ZNF34: variants seen among roughly 807,000 people sequenced by gnomAD.
The protein encoded by ZNF34 is zinc finger protein 34 (KOX 32).
In ZNF34, 8 loss-of-function variants were observed where a neutral mutation model predicts 14.4. The observed-to-expected ratio is 0.55, with a 90% confidence interval of 0.33 to 1.00. The LOEUF (loss-of-function observed/expected upper bound fraction) is 1.00, where lower values mean the gene tolerates loss of function less well. Ranked by LOEUF, ZNF34 falls within the 50% of genes least tolerant of loss-of-function variation. The probability of loss-of-function intolerance (pLI) is 0.03; values close to 1 mark genes in which losing one functional copy is unlikely to be tolerated. For synonymous variants in ZNF34, 235 were observed against 247.9 expected (o/e 0.95, Z 0.49); for missense variants, 538 against 674.2 (o/e 0.80, Z 2.24).
intron 1 of ZNF34, among the ~76,000 whole-genome samples, chr8:144,781,679 G>C (rs1445725337): frequency 6.6e-6 from 1 of 152,032 alleles, no homozygotes; most frequent in African/African-American, 2.4e-5. Context: ...AAGCAACAGA[G>C]AAAGTTTCAA....
Position 144,774,477 on chromosome 8 carries a change from G to A in ZNF34, c.409C>T (p.Leu137=). The A allele has an allele frequency of 6.2e-7, 1 of 1,613,924 alleles. No individual in the cohort carries two copies. The change falls in exon 6 of 6, where the codon CTA becomes TTA. Residue 137 remains leucine, a synonymous_variant. Coordinates refer to ENST00000429371, the MANE Select transcript of ZNF34 (RefSeq NM_001286769.2). ...GCCCTGGGGCCTCTCTGCTCCACTA[G>A]CTTTTCCAGGCTCCCCTCTGACTTA... ...ISKSEGSLEK[L]VEQRGPRAVT...
intron 1 of ZNF34, among the ~76,000 whole-genome samples, chr8:144,787,078 G>A (rs1826292487): frequency 1.3e-5 from 2 of 152,194 alleles, no homozygotes; most frequent in South Asian, 4.1e-4. Flanking sequence ...CGACCCCAGG[G>A]CTGGCAGAGA....
At position 144,777,958 on chromosome 8, in the gene ZNF34, G is replaced by A; in HGVS notation, c.160+80C>T. 5 of 1,570,964 alleles carry A rather than the reference G, an allele frequency of 3.2e-6. No individual in the cohort carries two copies. Among genetic ancestry groups the A allele is most frequent in the East Asian group, 2.3e-5 (1 of 42,742 alleles). On this transcript the variant is annotated intron_variant, in intron 4 of 5. Coordinates refer to ENST00000429371, the MANE Select transcript of ZNF34 (RefSeq NM_001286769.2). The surrounding 1 kb of genome is among the most constrained non-coding windows in gnomAD (Gnocchi z 4.8). ...GTCATCACCTATCTGTGCCCAGGGGGTGAGGCCCCTAGCCCAGCCTCTGCT... is the reference window on the plus strand; with the variant it reads ...GTCATCACCTATCTGTGCCCAGGGGATGAGGCCCCTAGCCCAGCCTCTGCT...
chr8:144,785,299 C>T (rs1045572086), intron 1 of ZNF34: 6 of 152,016 alleles, frequency 3.9e-5, no homozygotes, highest in African/African-American at 1.2e-4. Flanking sequence ...AGGATATGAC[C>T]TGGCAAACCC....
At position 144,772,470 on chromosome 8, in the gene ZNF34, A is replaced by G. The variant is rs1169675836; in HGVS notation, c.*796T>C. Among the ~76,000 whole-genome samples, 3 of 152,250 alleles carry G rather than the reference A, an allele frequency of 2.0e-5. No homozygotes were observed. The highest frequency in any genetic ancestry group is 7.2e-5 in the African/African-American group (3 of 41,472). The stretch of plus-strand genomic sequence containing the variant: ...AAAAATGGTTAAAATTGTAAATTTC[A>G]TATTATGTTATTTCACCACAGTTAA... On this transcript the variant is annotated 3_prime_UTR_variant, in exon 6 of 6. Transcript: ENST00000429371.
chr8:144,778,231 G>A, intron 3 of ZNF34, 67 bp from the exon 4 acceptor site: 2 of 1,555,578 alleles, frequency 1.3e-6, no homozygotes, highest in Admixed American at 1.9e-5. Flanking sequence ...CGGGGAGGCA[G>A]CAGAAGCATG....
In ZNF34 at chr8:144,774,563, T is replaced by C. The variant is rs1324395676; in HGVS notation, c.323A>G (p.Glu108Gly). 6.2e-7 allele frequency: 1 copy of C among 1,613,872 alleles called. No homozygotes were observed. The highest frequency in any genetic ancestry group is 1.7e-5 in the Admixed American group (1 of 60,006). ...RTEYKELTSQ[E>G]TFGEEDPQGS... ...CTGGGGATCTTCCTCACCAAATGTC[T>C]CCTGTGAAGTCAACTCCTTGTACTC... Residue 108 changes from glutamate to glycine, a missense_variant, in exon 6 of 6, where the codon GAG (glutamate) becomes GGG (glycine). This residue lies in a region of ZNF34 where 431 missense variants were observed against 525.7 expected (regional missense o/e 0.82). Transcript: ENST00000429371.
At chr8:144,784,931 T>G (rs1318076184) in intron 1 of ZNF34, among the ~76,000 whole-genome samples, 1 of 151,456 alleles carries the variant, frequency 6.6e-6, no homozygotes, top group Non-Finnish European at 1.5e-5. Context: ...GAAACCAGCC[T>G]GGGTAACATG....
chr8:144,786,329 T>A (rs531649286), intron 1 of ZNF34, among the ~76,000 whole-genome samples: 2 of 150,238 alleles, frequency 1.3e-5, no homozygotes, highest in Non-Finnish European at 3.0e-5. Context: ...CAGTATTAGG[T>A]TTGTAGAGAT....
Position 144,774,075 on chromosome 8 carries a change from A to C in ZNF34, c.811T>G (p.Cys271Gly). 6.2e-7 allele frequency: 1 copy of C among 1,613,882 alleles called. No individual in the cohort carries two copies. The highest frequency in any genetic ancestry group is 8.5e-7 in the Non-Finnish European group (1 of 1,179,952). Reference protein sequence around the residue: ...DECGKAFSQSCEFINHRRMHS... With the variant: ...DECGKAFSQSGEFINHRRMHS... ...ATCCTTCGGTGATTGATGAACTCGCAGCTCTGGCTGAAGGCTTTCCCACAC... is the reference window on the plus strand; with the variant it reads ...ATCCTTCGGTGATTGATGAACTCGCCGCTCTGGCTGAAGGCTTTCCCACAC... Residue 271 changes from cysteine (C) to glycine (G), a missense_variant, in exon 6 of 6, where the codon TGC becomes GGC. Cys to Gly is a radical substitution (Grantham distance 159). Transcript: ENST00000429371.
In ZNF34 at chr8:144,780,026, C is replaced by CAAAA. The variant is rs10710060; in HGVS notation, c.-55+198_-55+201dup. 1.5e-3 allele frequency among the ~76,000 whole-genome samples: 157 copies of CAAAA among 101,642 alleles called. 1 individual carries two copies. Among genetic ancestry groups the CAAAA allele is most frequent in the Admixed American group, 8.6e-4 (8 of 9,336 alleles). The allele number at this position is 101,642 out of a possible 152,430, so 66.7% of individuals were successfully genotyped here. A position where few individuals can be genotyped will look rare whatever the true frequency, so the allele number is the denominator to read the frequency against. ...CAACATAGGGAGACCTTAATGCTAC[C>CAAAA]AAAAAAAAAAAAAAAAAAAAATTAG... On this transcript the variant is annotated intron_variant, in intron 2 of 5. Coordinates refer to ENST00000429371, the MANE Select transcript of ZNF34 (RefSeq NM_001286769.2).
At chr8:144,782,863 A>G (rs1477476743) in intron 1 of ZNF34, among the ~76,000 whole-genome samples, 1 of 149,418 alleles carries the variant, frequency 6.7e-6, no homozygotes, top group African/African-American at 2.4e-5. Flanking sequence ...AAAAAAAAAA[A>G]AAAAAAAAAA....
chr8:144,780,270 A>G lies in ZNF34; in HGVS notation c.-97T>C, dbSNP rs375812911. On this transcript the variant is annotated 5_prime_UTR_variant, in exon 2 of 6. Transcript: ENST00000429371. ...CTCTCGGATTAGATACATGTGATGC[A>G]ACTATTTGGCCTAAAATAAAATAAC... 3.2e-6 allele frequency: 5 copies of G among 1,550,190 alleles called. No homozygotes were observed. Among genetic ancestry groups the G allele is most frequent in the African/African-American group, 1.4e-5 (1 of 73,044 alleles).
In ZNF34 at chr8:144,774,258, T is replaced by C. The variant is rs1782421113; in HGVS notation, c.628A>G (p.Ile210Val). The C allele has an allele frequency of 1.2e-6, 2 of 1,613,874 alleles. No homozygotes were observed. Among genetic ancestry groups the C allele is most frequent in the East Asian group, 2.2e-5 (1 of 44,908 alleles). Residue 210 changes from isoleucine (I) to valine (V), a missense_variant, in exon 6 of 6, where the codon ATC becomes GTC. Ile to Val is a conservative substitution (Grantham distance 29, BLOSUM62 3). Around this residue, in one of 3 missense-constraint regions of ZNF34, gnomAD observed 431 missense variants for 525.7 expected, o/e 0.82. Coordinates refer to ENST00000429371, the MANE Select transcript of ZNF34 (RefSeq NM_001286769.2). ...KTNTVRNSGEIFSANLVVKED... is the reference protein window; with the variant it reads ...KTNTVRNSGEVFSANLVVKED... ...TTAACAACTAAGTTTGCACTGAAGA[T>C]TTCCCCAGAGTTACGAACTGTATTT...
At position 144,775,041 on chromosome 8, in the gene ZNF34, T is replaced by A. The variant is rs187082315; in HGVS notation, c.281-436A>T. ...TTCTCCATCTGTGACCACATGGCAC[T>A]CTCATGAGAACAAAACAGATTAATA... On this transcript the variant is annotated intron_variant, in intron 5 of 5. Coordinates refer to ENST00000429371, the MANE Select transcript of ZNF34 (RefSeq NM_001286769.2). Among the ~76,000 whole-genome samples the A allele has an allele frequency of 8.8e-4, 134 of 152,298 alleles. 1 individual carries two copies. The highest frequency in any genetic ancestry group is 3.2e-3 in the African/African-American group (133 of 41,570).
chr8:144,785,564 G>T (rs1286742551), intron 1 of ZNF34: 3 of 152,176 alleles, frequency 2.0e-5, no homozygotes, highest in Non-Finnish European at 4.4e-5. Flanking sequence ...TCTAGCCTGA[G>T]CAACATAGTG....
chr8:144,777,091 G>A lies in ZNF34; in HGVS notation c.280+367C>T, dbSNP rs1825570614. On this transcript the variant is annotated intron_variant, in intron 5 of 5. Transcript: ENST00000429371. The surrounding 1 kb of genome is among the most constrained non-coding windows in gnomAD (Gnocchi z 4.8). ...TAGAAGAGAGGGGAATTAAATGATA[G>A]CTCCATCATTAGGCCCTCATTATCT... is the stretch of plus-strand genomic sequence containing the variant. Among the ~76,000 whole-genome samples, 1 of 151,522 alleles carries A rather than the reference G, an allele frequency of 6.6e-6. No individual in the cohort carries two copies. Among genetic ancestry groups the A allele is most frequent in the Non-Finnish European group, 1.5e-5 (1 of 67,934 alleles).
rs777771621 is a variant in ZNF34 at position 144,773,504 on chromosome 8, T to G, written c.1382A>C (p.Lys461Thr). The G allele has an allele frequency of 3.1e-6, 5 of 1,614,198 alleles. No individual in the cohort carries two copies. In the South Asian group the frequency reaches 5.5e-5, roughly 18 times the overall value. ...EKPYKCSECG[K>T]AFHNSSRLIH... ...GAGTCTGGAACTGTTGTGGAAGGCC[T>G]TCCCACACTCGCTGCACTTGTAGGG... Residue 461 changes from lysine (K) to threonine (T), a missense_variant, in exon 6 of 6, where the codon AAG becomes ACG. By Grantham distance (78) the Lys-to-Thr change is moderately conservative (BLOSUM62 -1). This residue lies in a region of ZNF34 where 101 missense variants were observed against 123.1 expected (regional missense o/e 0.82). Coordinates refer to ENST00000429371, the MANE Select transcript of ZNF34 (RefSeq NM_001286769.2). This position sits in a 1 kb window ranked among gnomAD's most constrained non-coding sequence, Gnocchi z 5.4.
rs1282722044 is a variant in ZNF34 at position 144,773,743 on chromosome 8, T to C, written c.1143A>G (p.Gln381=). The C allele has an allele frequency of 6.2e-7, 1 of 1,614,016 alleles. No homozygotes were observed. The highest frequency in any genetic ancestry group is 8.5e-7 in the Non-Finnish European group (1 of 1,179,936). ...ECKECGKGFT[Q]SSNLIQHQRI... ...TCTGATGTTGGATAAGGTTAGAACT[T>C]TGTGTAAAGCCTTTGCCACATTCCT... is the stretch of plus-strand genomic sequence containing the variant. Residue 381 remains glutamine (Q), a synonymous_variant, in exon 6 of 6, where the codon CAA becomes CAG. Transcript: ENST00000429371. This position sits in a 1 kb window ranked among gnomAD's most constrained non-coding sequence, Gnocchi z 5.4.
Sources: gnomAD v4.1 joint callset for allele counts (sites outside exome capture counted in the v4.1 genomes callset) on GRCh38, gnomAD v4.1.1 for gene constraint, gnomAD v4.1.1 regional missense constraint, Gnocchi (gnomAD v3.1) non-coding constraint, MANE v1.5 for transcripts, NCBI Gene and HGNC (gene_info 2026-07-23, HGNC 2026-07-21) for gene names.